GPAT3: variants seen among roughly 807,000 people sequenced by gnomAD.
GPAT3 encodes glycerol-3-phosphate acyltransferase 3.
Under a neutral mutation model 58.8 loss-of-function variants are expected in GPAT3, and 53 were observed. The observed-to-expected ratio is 0.90, with a 90% CI of 0.72 to 1.13. The LOEUF is 1.13. GPAT3 is among the 50% of genes most tolerant of loss of function. GPAT3 has a pLI of 0.00. For missense variants in GPAT3, 511 were observed against 527.6 expected (o/e 0.97, Z 0.31); for synonymous variants, 197 against 187.4 (o/e 1.05, Z -0.42).
At chr4:83,535,676 G>A (rs1279628665), upstream of GPAT3, 6 of 984,112 alleles carry the variant, frequency 6.1e-6, no homozygotes, top group Non-Finnish European at 1.2e-6. Flanking sequence ...TAGGCAACGC[G>A]TGGAGAGAGC....
chr4:83,600,348 T>A (rs2110111466), intron 11 of GPAT3, among the ~76,000 whole-genome samples: 1 of 152,292 alleles, frequency 6.6e-6, no homozygotes, highest in South Asian at 2.1e-4. Flanking sequence ...TCCACCCTCA[T>A]GACCTCATCT....
At chr4:83,561,185 C>T (rs1163181552) in intron 2 of GPAT3, among the ~76,000 whole-genome samples, 1 of 152,212 alleles carries the variant, frequency 6.6e-6, no homozygotes, top group Non-Finnish European at 1.5e-5. Flanking sequence ...ACCAGCAGTA[C>T]TCTCTTGGTT....
At chr4:83,584,065 A>G (rs529544361) in intron 3 of GPAT3, among the ~76,000 whole-genome samples, 1 of 152,356 alleles carries the variant, frequency 6.6e-6, no homozygotes, top group South Asian at 2.1e-4. Context: ...ACCTGAAGGA[A>G]GAATGAGGAA....
chr4:83,555,043 A>T (rs146829551), intron 2 of GPAT3, among the ~76,000 whole-genome samples: 2,512 of 152,116 alleles, frequency 0.017, 70 homozygotes, highest in African/African-American at 0.058. Flanking sequence ...ACCTCAGGTG[A>T]TCCACCTGCC....
In GPAT3 at chr4:83,571,227, GGTTA is replaced by G. The variant is rs552422652; in HGVS notation, c.209-10331_209-10328del. ...TTATTATAATGTCGATTGATAATTG[GGTTA>G]GTTCCAGTTTTTAGCCATTAGGAAT... is the stretch of plus-strand genomic sequence containing the variant. On this transcript the variant is annotated intron_variant, in intron 2 of 11. Coordinates refer to ENST00000264409, the MANE Select transcript of GPAT3 (RefSeq NM_032717.5). Among the ~76,000 whole-genome samples the G allele has an allele frequency of 2.1e-3, 318 of 152,156 alleles. 2 individuals carry two copies. The highest frequency in any genetic ancestry group is 0.011 in the South Asian group (51 of 4,822).
intron 2 of GPAT3, among the ~76,000 whole-genome samples, chr4:83,558,904 G>A (rs1725032224): frequency 6.6e-6 from 1 of 152,174 alleles, no homozygotes; most frequent in South Asian, 2.1e-4. Flanking sequence ...AAAACCAAGG[G>A]ATGACTCATA....
intron 2 of GPAT3, among the ~76,000 whole-genome samples, chr4:83,574,377 G>C (rs1725707637): frequency 6.6e-6 from 1 of 152,152 alleles, no homozygotes; most frequent in South Asian, 2.1e-4. Context: ...GTTTGAGATG[G>C]TTTCAACTTC....
intron 2 of GPAT3, among the ~76,000 whole-genome samples, chr4:83,562,215 A>ATATAT (rs374532244): frequency 5.9e-4 from 13 of 21,928 alleles, no homozygotes; most frequent in African/African-American, 3.8e-3. Flanking sequence ...TATATATTAT[A>ATATAT]TATATATATA....
rs1350680525 is a variant in GPAT3 at position 83,536,299 on chromosome 4, G to T, written c.-324G>T. The T allele has an allele frequency of 9.4e-7, 1 of 1,066,780 alleles. No homozygotes were observed. Among genetic ancestry groups the T allele is most frequent in the African/African-American group, 1.7e-5 (1 of 60,038 alleles). The allele number at this position is 1,066,780 out of a possible 1,614,324, so 66.1% of individuals were successfully genotyped here. ...CTGGCTGCGCTCGCGCGCTCTGCCCGCGCCGCGGTGTGCCTCCGCTTACCC... is the reference window on the plus strand; with the variant it reads ...CTGGCTGCGCTCGCGCGCTCTGCCCTCGCCGCGGTGTGCCTCCGCTTACCC... On this transcript the variant is annotated 5_prime_UTR_variant, in exon 1 of 12. Coordinates refer to ENST00000264409, the MANE Select transcript of GPAT3 (RefSeq NM_032717.5).
intron 8 of GPAT3, among the ~76,000 whole-genome samples, chr4:83,597,168 T>G (rs904633364): frequency 6.6e-5 from 10 of 152,212 alleles, no homozygotes; most frequent in Non-Finnish European, 1.5e-4. Flanking sequence ...AAGGGTTGCA[T>G]GTATTGAAAT....
intron 2 of GPAT3, among the ~76,000 whole-genome samples, chr4:83,570,265 T>G (rs79769952): frequency 0.03 from 4,606 of 152,228 alleles, 233 homozygotes; most frequent in African/African-American, 0.11. Flanking sequence ...CATGTATAAG[T>G]TGGAGATAAT....
At chr4:83,567,364 T>C (rs1725437066) in intron 2 of GPAT3, among the ~76,000 whole-genome samples, 1 of 152,234 alleles carries the variant, frequency 6.6e-6, no homozygotes, top group Admixed American at 6.5e-5. Flanking sequence ...AATGTTGAAT[T>C]TTCATGCTTT....
chr4:83,580,834 C>T (rs760709455), intron 2 of GPAT3, among the ~76,000 whole-genome samples: 12 of 152,182 alleles, frequency 7.9e-5, no homozygotes, highest in East Asian at 1.9e-4. Context: ...TGGTGGCTCA[C>T]GCCTGTAATC....
chr4:83,575,717 A>C (rs886719654), intron 2 of GPAT3, among the ~76,000 whole-genome samples: 2 of 152,174 alleles, frequency 1.3e-5, no homozygotes, highest in African/African-American at 4.8e-5. Context: ...CCCGGCTGAC[A>C]CCTAATTTTA....
chr4:83,577,238 AT>A (rs1288677440), intron 2 of GPAT3, among the ~76,000 whole-genome samples: 3 of 152,188 alleles, frequency 2.0e-5, no homozygotes, highest in Non-Finnish European at 4.4e-5. Flanking sequence ...ACCTTTCCAC[AT>A]TTAAAGAGAC....
intron 2 of GPAT3, among the ~76,000 whole-genome samples, chr4:83,568,272 A>G (rs1725478280): frequency 6.6e-6 from 1 of 152,102 alleles, no homozygotes; most frequent in African/African-American, 2.4e-5. Flanking sequence ...AAAATAGGCA[A>G]TTGTGATTGA....
rs567727482 is a variant in GPAT3 at position 83,536,446 on chromosome 4, A to G, written c.-177A>G. 1.1e-3 allele frequency: 1,619 copies of G among 1,412,620 alleles called. No homozygotes were observed. The highest frequency in any genetic ancestry group is 1.4e-3 in the Admixed American group (47 of 33,668). The allele number at this position is 1,412,620 out of a possible 1,614,324, so 87.5% of individuals were successfully genotyped here. A position where few individuals can be genotyped will look rare whatever the true frequency, so the allele number is the denominator to read the frequency against. On this transcript the variant is annotated 5_prime_UTR_variant, in exon 1 of 12. Coordinates refer to ENST00000264409, the MANE Select transcript of GPAT3 (RefSeq NM_032717.5). ...AGGGGCGAGGAGGAGCCCAGGGAGG[A>G]AGGAAGGATATTGCCGTAATTCTGA...
chr4:83,537,986 C>T (rs1305783127), intron 1 of GPAT3, among the ~76,000 whole-genome samples: 2 of 152,094 alleles, frequency 1.3e-5, no homozygotes, highest in Admixed American at 6.6e-5. Flanking sequence ...TATCAAGCAC[C>T]TTAGAAGGCT....
chr4:83,547,986 T>G (rs1724610437), intron 2 of GPAT3, among the ~76,000 whole-genome samples: 1 of 152,042 alleles, frequency 6.6e-6, no homozygotes, highest in Admixed American at 6.6e-5. Context: ...CATATCTTAC[T>G]CTTCTAAGCT....
Sources: gnomAD v4.1 joint callset for allele counts (sites outside exome capture counted in the v4.1 genomes callset) on GRCh38, gnomAD v4.1.1 for gene constraint, MANE v1.5 for transcripts, NCBI Gene and HGNC (gene_info 2026-07-23, HGNC 2026-07-21) for gene names.